ST18: variants seen among roughly 807,000 people sequenced by gnomAD.
The protein encoded by ST18 is ST18 C2H2C-type zinc finger transcription factor.
ST18 carries 50 observed loss-of-function variants against 110.0 expected under a neutral mutation model. That is an observed-to-expected ratio of 0.45 (90% CI 0.36 to 0.58). The LOEUF is 0.58. Ranked by LOEUF, ST18 falls within the 20% of genes least tolerant of loss-of-function variation. The pLI, the probability that ST18 is intolerant of heterozygous loss-of-function variation, is 0.00. For synonymous variants in ST18, 461 were observed against 452.4 expected, an observed-to-expected ratio of 1.02 and a Z score of -0.24; for missense variants, 1,306 against 1,280.1, an observed-to-expected ratio of 1.02 and a Z score of -0.31.
intron 7 of ST18, among the ~76,000 whole-genome samples, chr8:52,212,862 T>TA (rs1274630830): frequency 2.0e-5 from 3 of 152,182 alleles, no homozygotes; most frequent in East Asian, 1.9e-4. Flanking sequence ...ATTGCAAATT[T>TA]AAAAAAACCC....
intron 2 of ST18, among the ~76,000 whole-genome samples, chr8:52,278,803 C>T (rs1422720865): frequency 2.6e-5 from 4 of 152,132 alleles, no homozygotes; most frequent in Non-Finnish European, 5.9e-5. Context: ...AACAAGAATC[C>T]GGCCCTCACA....
rs572336789 is a variant in ST18 at position 52,395,482 on chromosome 8, T to C, written c.-465+13846A>G. On this transcript the variant is annotated intron_variant, in intron 2 of 25. Coordinates refer to ENST00000689386, the MANE Select transcript of ST18 (RefSeq NM_001352837.2). ...GGCCTAAGGGAACCACGAAGATATC[T>C]AGGTAAGAGCCCAGGAATCTCATGG... Among the ~76,000 whole-genome samples, 3 of 152,256 alleles carry C rather than the reference T, an allele frequency of 2.0e-5. No individual in the cohort carries two copies. The East Asian group carries it at 5.8e-4, about 29-fold the overall frequency.
intron 19 of ST18, 77 bp downstream of exon 19, chr8:52,136,513 G>C (rs2052384367): frequency 7.1e-7 from 1 of 1,398,790 alleles, no homozygotes; most frequent in Non-Finnish European, 9.9e-7. Flanking sequence ...CTGATCACTT[G>C]GGCAATGAAT....
At chr8:52,271,009 C>T (rs1324585246) in intron 2 of ST18, among the ~76,000 whole-genome samples, 3 of 151,968 alleles carry the variant, frequency 2.0e-5, no homozygotes, top group African/African-American at 7.3e-5. Context: ...CGCCATTCTC[C>T]TGCCTCAGCC....
In ST18 at chr8:52,405,045, G is replaced by C. The variant is rs548043872; in HGVS notation, c.-465+4283C>G. ...TTCCCATCAATGAATGCAGAGCTTA[G>C]ATTAGTCTTTAGCTTATACAAACGT... On this transcript the variant is annotated intron_variant, in intron 2 of 25. Coordinates refer to ENST00000689386, the MANE Select transcript of ST18 (RefSeq NM_001352837.2). The C allele has an allele frequency of 1.1e-4, 16 of 152,248 alleles. No homozygotes were observed. In the South Asian group the frequency reaches 3.3e-3, roughly 32 times the overall value. The allele number at this position is 152,248 out of a possible 1,614,324, so 9.4% of individuals were successfully genotyped here.
intron 8 of ST18, among the ~76,000 whole-genome samples, chr8:52,193,552 T>C (rs2075260267): frequency 6.6e-6 from 1 of 152,200 alleles, no homozygotes; most frequent in African/African-American, 2.4e-5. Flanking sequence ...CCAGTCCCGC[T>C]TCCCTCACAT....
intron 2 of ST18, among the ~76,000 whole-genome samples, chr8:52,332,427 C>T (rs7014006): frequency 0.16 from 23,381 of 149,344 alleles, 2,056 homozygotes; most frequent in African/African-American, 0.25. Flanking sequence ...AATTCTCTTA[C>T]GATGGAAGCA....
At chr8:52,192,909 A>G (rs1412066631) in intron 8 of ST18, among the ~76,000 whole-genome samples, 1 of 152,196 alleles carries the variant, frequency 6.6e-6, no homozygotes, top group East Asian at 1.9e-4. Context: ...CAAGGAAAAT[A>G]GATACCGTCC....
chr8:52,131,722 C>A (rs890814260), intron 22 of ST18, among the ~76,000 whole-genome samples: 2 of 152,046 alleles, frequency 1.3e-5, no homozygotes, highest in South Asian at 2.1e-4. Context: ...CAAATAAAAC[C>A]AACTGTACAT....
chr8:52,376,497 C>T lies in ST18; in HGVS notation c.-465+32831G>A, dbSNP rs567759341. Among the ~76,000 whole-genome samples the T allele has an allele frequency of 2.6e-5, 4 of 152,340 alleles. No homozygotes were observed. In the East Asian group the frequency reaches 7.7e-4, roughly 29 times the overall value. On this transcript the variant is annotated intron_variant, in intron 2 of 25. Coordinates refer to ENST00000689386, the MANE Select transcript of ST18 (RefSeq NM_001352837.2). Reference sequence around the variant, plus strand: ...GACTACTTAACACTGCAAATTGCTTCTCACTCACCCCCAGGGTTCTTGGAT... The same window carrying T: ...GACTACTTAACACTGCAAATTGCTTTTCACTCACCCCCAGGGTTCTTGGAT...
chr8:52,289,468 A>C (rs1274171616), intron 2 of ST18, among the ~76,000 whole-genome samples: 1 of 152,090 alleles, frequency 6.6e-6, no homozygotes, highest in Non-Finnish European at 1.5e-5. Flanking sequence ...AAAAAACAAA[A>C]AACAACAACA....
At chr8:52,211,312 A>G (rs1313793582) in intron 8 of ST18, among the ~76,000 whole-genome samples, 5 of 151,728 alleles carry the variant, frequency 3.3e-5, no homozygotes, top group African/African-American at 4.8e-5. Context: ...CCACTCAAAA[A>G]AACTATTGGT....
intron 8 of ST18, among the ~76,000 whole-genome samples, chr8:52,208,660 A>G (rs930023784): frequency 6.6e-6 from 1 of 152,184 alleles, no homozygotes; most frequent in Admixed American, 6.5e-5. Flanking sequence ...CCCCGTCTCT[A>G]CTAAAAATAC....
intron 22 of ST18, among the ~76,000 whole-genome samples, chr8:52,128,651 T>C (rs1330990046): frequency 6.6e-6 from 1 of 152,204 alleles, no homozygotes; most frequent in Non-Finnish European, 1.5e-5. Context: ...CCATTTTGGT[T>C]GAGAAAAGTC....
intron 2 of ST18, among the ~76,000 whole-genome samples, chr8:52,274,854 T>G (rs1404595131): frequency 6.6e-6 from 1 of 152,244 alleles, no homozygotes; most frequent in Non-Finnish European, 1.5e-5. Context: ...TTCCCCAATT[T>G]TTTGTTTCAA....
chr8:52,209,583 C>T (rs2081351771), intron 8 of ST18, among the ~76,000 whole-genome samples: 1 of 151,480 alleles, frequency 6.6e-6, no homozygotes, highest in Non-Finnish European at 1.5e-5. Flanking sequence ...ACCAGCCGGA[C>T]CAACATGGAG....
intron 15 of ST18, among the ~76,000 whole-genome samples, chr8:52,152,481 G>A (rs958925146): frequency 2.6e-5 from 4 of 152,164 alleles, no homozygotes; most frequent in Non-Finnish European, 5.9e-5. Flanking sequence ...CTTGGGGGTA[G>A]GTATAGGATT....
chr8:52,261,640 T>G (rs1290098999), intron 2 of ST18, among the ~76,000 whole-genome samples: 1 of 152,202 alleles, frequency 6.6e-6, no homozygotes, highest in East Asian at 1.9e-4. Flanking sequence ...ATCTACCCAT[T>G]CAGGGCCCTG....
chr8:52,260,574 G>T (rs2094657510), intron 2 of ST18, among the ~76,000 whole-genome samples: 1 of 152,084 alleles, frequency 6.6e-6, no homozygotes, highest in Non-Finnish European at 1.5e-5. Flanking sequence ...TCATTCCTCA[G>T]CCCTCTTACT....
Sources: gnomAD v4.1 joint callset for allele counts (sites outside exome capture counted in the v4.1 genomes callset) on GRCh38, gnomAD v4.1.1 for gene constraint, MANE v1.5 for transcripts, NCBI Gene and HGNC (gene_info 2026-07-23, HGNC 2026-07-21) for gene names.